The following PIR variants were observed in gnomAD, a reference collection of about 807,000 sequenced individuals.
The protein encoded by PIR is pirin.
A neutral mutation model predicts 24.2 loss-of-function variants in PIR; 22 were observed. The ratio of observed to expected loss-of-function variants is 0.91; its 90% CI spans 0.65 to 1.30. The LOEUF is 1.30. Among genes scored for constraint, PIR ranks in the 50% most tolerant of loss-of-function variants. The pLI is 0.00. For synonymous variants in PIR, 80 were observed against 79.6 expected, an observed-to-expected ratio of 1.00 and a Z score of -0.03; for missense variants, 220 against 220.3, an observed-to-expected ratio of 1.00 and a Z score of 0.01.
intron 5 of PIR, among the ~76,000 whole-genome samples, chrX:15,428,353 T>C (rs1175694734): frequency 8.9e-6 from 1 of 111,880 alleles, no homozygotes; most frequent in Non-Finnish European, 1.9e-5. Context: ...AAATTACCTC[T>C]AAAAAGATTA....
chrX:15,410,255 A>AAAAACAAAAC (rs371317022), intron 6 of PIR, among the ~76,000 whole-genome samples: 1,880 of 110,682 alleles, frequency 0.017, 52 homozygotes, highest in African/African-American at 0.059. Flanking sequence ...TGTCTCGGAA[A>AAAAACAAAAC]AAAACAAAAC....
rs73451203 is a variant in PIR at position 15,439,015 on chromosome X, C to G, written c.481-13025G>C. 7.3e-3 allele frequency among the ~76,000 whole-genome samples: 822 copies of G among 112,113 alleles called. 10 individuals are homozygous for G. The highest frequency in any genetic ancestry group is 0.025 in the African/African-American group (780 of 30,890). On this transcript the variant is annotated intron_variant, in intron 5 of 9. Coordinates refer to ENST00000380420, the MANE Select transcript of PIR (RefSeq NM_001018109.3). ...CAAATTCTTGCTCCCTTAGAAAGTT[C>G]TGAGGTACAGCTTCCTGAACAGGCA...
At chrX:15,403,922 C>A (rs1180722867) in intron 7 of PIR, among the ~76,000 whole-genome samples, 2 of 111,234 alleles carry the variant, frequency 1.8e-5, no homozygotes, top group Non-Finnish European at 3.8e-5. Flanking sequence ...AATTACATAG[C>A]CTCACAATAC....
chrX:15,406,102 T>G (rs1373559172), intron 7 of PIR, among the ~76,000 whole-genome samples: 1 of 112,044 alleles, frequency 8.9e-6, no homozygotes, highest in Non-Finnish European at 1.9e-5. Flanking sequence ...GAAAGTGCAG[T>G]GCTGGCATCC....
chrX:15,433,526 AAGAAAGAAAGAAAGAAAGAGAG>A lies in PIR; in HGVS notation c.481-7558_481-7537del, dbSNP rs1207586676. Among the ~76,000 whole-genome samples the A allele has an allele frequency of 3.5e-3, 85 of 23,946 alleles. No individual in the cohort carries two copies. The East Asian group carries it at 0.038, about 11-fold the overall frequency. The allele number at this position is 23,946 out of a possible 115,157, so 20.8% of individuals were successfully genotyped here. On this transcript the variant is annotated intron_variant, in intron 5 of 9. Coordinates refer to ENST00000380420, the MANE Select transcript of PIR (RefSeq NM_001018109.3). ...AGGAGGAGGAGGAAAGAAAGAAAGA[AAGAAAGAAAGAAAGAAAGAGAG>A]AGAAAGAAAGAAAGAGAGAGAAAGA...
At chrX:15,475,797 GA>G (rs1323398843) in intron 3 of PIR, among the ~76,000 whole-genome samples, 1 of 111,790 alleles carries the variant, frequency 8.9e-6, no homozygotes, top group Non-Finnish European at 1.9e-5. Flanking sequence ...CAGGCCTTTT[GA>G]AAAACAATCC....
intron 6 of PIR, among the ~76,000 whole-genome samples, chrX:15,424,610 A>T (rs1213060237): frequency 8.9e-6 from 1 of 112,579 alleles, no homozygotes; most frequent in African/African-American, 3.2e-5. Flanking sequence ...TATCCTAATT[A>T]TACTGACTTG....
At chrX:15,437,768 T>G (rs1925795436) in intron 5 of PIR, among the ~76,000 whole-genome samples, 1 of 112,410 alleles carries the variant, frequency 8.9e-6, no homozygotes, top group South Asian at 3.7e-4. Context: ...CCTTCAGAAC[T>G]CTCTAATCCA....
intron 3 of PIR, among the ~76,000 whole-genome samples, chrX:15,472,559 A>C (rs978497654): frequency 2.7e-5 from 3 of 112,648 alleles, no homozygotes; most frequent in Admixed American, 9.4e-5. Context: ...TAAGTGAAAG[A>C]GACCAACCAC....
chrX:15,441,539 G>A (rs978967245), intron 5 of PIR, among the ~76,000 whole-genome samples: 2 of 111,079 alleles, frequency 1.8e-5, no homozygotes, highest in Non-Finnish European at 3.8e-5. Flanking sequence ...GGCAGTCATG[G>A]CTAAGCGTCC....
chrX:15,396,248 A>G (rs2147002516), intron 8 of PIR, among the ~76,000 whole-genome samples: 1 of 111,695 alleles, frequency 9.0e-6, no homozygotes, highest in South Asian at 3.8e-4. Context: ...ACCCTGACAT[A>G]TGCATTTTTC....
intron 1 of PIR, among the ~76,000 whole-genome samples, chrX:15,492,389 A>T (rs1923211797): frequency 8.9e-6 from 1 of 111,811 alleles, no homozygotes; most frequent in African/African-American, 3.3e-5. Flanking sequence ...TTGTTATTCG[A>T]AAGTCTTTTC....
intron 3 of PIR, among the ~76,000 whole-genome samples, chrX:15,472,480 T>C (rs777404849): frequency 5.9e-4 from 66 of 112,150 alleles, no homozygotes; most frequent in African/African-American, 1.9e-3. Context: ...TACGATACAA[T>C]AGAATATTAG....
At chrX:15,482,783 C>T (rs1922577230) in intron 2 of PIR, among the ~76,000 whole-genome samples, 1 of 111,347 alleles carries the variant, frequency 9.0e-6, no homozygotes, top group South Asian at 3.7e-4. Context: ...AGGAGCACTT[C>T]CTTGGATTTT....
At chrX:15,459,955 T>G (rs1004664468) in intron 3 of PIR, among the ~76,000 whole-genome samples, 2 of 109,348 alleles carry the variant, frequency 1.8e-5, no homozygotes, top group Admixed American at 2.0e-4. Context: ...GAATAGACAC[T>G]TTCCCAAGGA....
chrX:15,480,820 TA>T (rs775826665), intron 2 of PIR, among the ~76,000 whole-genome samples: 8 of 112,877 alleles, frequency 7.1e-5, no homozygotes, highest in Admixed American at 2.8e-4. Context: ...GGACAAGTCC[TA>T]AATGAGTTTG....
intron 5 of PIR, among the ~76,000 whole-genome samples, chrX:15,452,409 T>G (rs190737230): frequency 8.9e-6 from 1 of 111,879 alleles, no homozygotes; most frequent in African/African-American, 3.2e-5. Context: ...TTGTTCTGTC[T>G]TGGCTTTCCA....
intron 5 of PIR, among the ~76,000 whole-genome samples, chrX:15,442,366 C>G (rs773149837): frequency 9.0e-6 from 1 of 111,522 alleles, no homozygotes; most frequent in African/African-American, 3.3e-5. Context: ...CTCCATCTCT[C>G]TCCCTCTCCT....
At chrX:15,447,220 G>A (rs1423158834) in intron 5 of PIR, among the ~76,000 whole-genome samples, 2 of 112,263 alleles carry the variant, frequency 1.8e-5, no homozygotes, top group East Asian at 5.6e-4. Context: ...TTCTGCTTTG[G>A]TCAAAATGAA....
Sources: gnomAD v4.1 joint callset for allele counts (sites outside exome capture counted in the v4.1 genomes callset) on GRCh38, gnomAD v4.1.1 for gene constraint, MANE v1.5 for transcripts, NCBI Gene and HGNC (gene_info 2026-07-23, HGNC 2026-07-21) for gene names.